Variants in TMED4 observed in about 807,000 individuals in gnomAD.
The protein encoded by TMED4 is transmembrane p24 trafficking protein 4.
In TMED4, 19 loss-of-function variants were observed where a neutral mutation model predicts 26.5. The ratio of observed to expected loss-of-function variants is 0.72; its 90% CI spans 0.50 to 1.05. TMED4 has a LOEUF of 1.05. Ranked by LOEUF, TMED4 falls within the 50% of genes least tolerant of loss-of-function variation. The probability of loss-of-function intolerance (pLI) is 0.00; values close to 1 mark genes in which losing one functional copy is unlikely to be tolerated. For missense variants in TMED4, 303 were observed against 302.5 expected (o/e 1.00, Z -0.01); for synonymous variants, 121 against 119.8 (o/e 1.01, Z -0.07).
Position 44,581,212 on chromosome 7 carries a change from C to T in TMED4, c.415G>A (p.Glu139Lys), listed in dbSNP as rs780429628. ...ATCTCAGGGTAGTTGTTGGCATGCTCCCCAACCTGGATGTCGAGATGCACC... is the reference window on the plus strand; with the variant it reads ...ATCTCAGGGTAGTTGTTGGCATGCTTCCCAACCTGGATGTCGAGATGCACC... ...LRVHLDIQVG[E>K]HANNYPEIAA... is the part of the protein sequence containing the mutation. The change falls in exon 4 of 5, where the codon GAG becomes AAG. Residue 139 changes from glutamate (E) to lysine (K), a missense_variant. Physicochemically the swap from Glu to Lys is moderately conservative, Grantham distance 56. Transcript: ENST00000457408. 1.2e-6 allele frequency: 2 copies of T among 1,614,084 alleles called. No individual in the cohort carries two copies. The highest frequency in any genetic ancestry group is 1.7e-6 in the Non-Finnish European group (2 of 1,180,026).
intron 4 of TMED4, 132 bp downstream of exon 4, chr7:44,580,961 C>CA: frequency 9.6e-7 from 1 of 1,045,758 alleles, no homozygotes; most frequent in Non-Finnish European, 1.4e-6. Flanking sequence ...AAACAACAAA[C>CA]AAACAACCTA....
Position 44,579,305 on chromosome 7 carries a change from T to C in TMED4, c.*174A>G, listed in dbSNP as rs1351304463. On this transcript the variant is annotated 3_prime_UTR_variant, in exon 5 of 5. Transcript: ENST00000457408. ...ATTTTGAAAGATTGGACTAATGTCATGTGTCCTTAAGAACCAGGGTCAGCA... is the reference window on the plus strand; with the variant it reads ...ATTTTGAAAGATTGGACTAATGTCACGTGTCCTTAAGAACCAGGGTCAGCA... 6.7e-6 allele frequency: 4 copies of C among 599,446 alleles called. No homozygotes were observed. In the South Asian group the frequency reaches 7.2e-5, roughly 11 times the overall value. 37.1% of individuals were successfully genotyped at this position (599,446 alleles called of 1,614,324 possible).
chr7:44,578,919 T>A lies in TMED4; in HGVS notation c.*560A>T, dbSNP rs1164852827. 1 of 148,922 alleles carries A rather than the reference T, an allele frequency of 6.7e-6. No individual in the cohort carries two copies. Among genetic ancestry groups the A allele is most frequent in the East Asian group, 1.9e-4 (1 of 5,144 alleles). 9.2% of individuals were successfully genotyped at this position (148,922 alleles called of 1,614,324 possible). ...AAAACCCAGAATGCAGAAACTGCAT[T>A]GGTATTTTGAGCTAGTTACAGGCAG... On this transcript the variant is annotated 3_prime_UTR_variant, in exon 5 of 5. Transcript: ENST00000457408.
intron 3 of TMED4, 86 bp from the exon 4 acceptor site, chr7:44,581,325 G>A: frequency 6.3e-7 from 1 of 1,599,188 alleles, no homozygotes; most frequent in Non-Finnish European, 8.5e-7. Flanking sequence ...CCTGGCTGTG[G>A]AGCAGAAGGC....
Position 44,582,168 on chromosome 7 carries a change from C to T in TMED4, c.39G>A (p.Gly13=), listed in dbSNP as rs760268202. The T allele has an allele frequency of 3.2e-5, 50 of 1,548,356 alleles. No homozygotes were observed. Among genetic ancestry groups the T allele is most frequent in the Non-Finnish European group, 4.1e-5 (47 of 1,146,234 alleles). ...GCGCGAGAAGCAGCAGGGCCTGCCGCCCCATCGCCCGCAGAGGCCCAGCCC... is the reference window on the plus strand; with the variant it reads ...GCGCGAGAAGCAGCAGGGCCTGCCGTCCCATCGCCCGCAGAGGCCCAGCCC... ...GVGAGPLRAM[G]RQALLLLALC... Residue 13 remains glycine, a synonymous_variant, in exon 1 of 5, where the codon GGG becomes GGA. Transcript: ENST00000457408.
rs1271128538 is a variant in TMED4, at chr7:44,581,162, C to T, written c.465G>A (p.Glu155=). ...PEIAAKDKLT[E]LQLRARQLLD... ...GCAACTGGCGGGCGCGGAGCTGTAG[C>T]TCCGTCAGCTTATCTTTTGCAGCAA... The change falls in exon 4 of 5, where the codon GAG becomes GAA. Residue 155 remains glutamate (E), a synonymous_variant. Transcript: ENST00000457408. 5 of 1,614,138 alleles carry T rather than the reference C, an allele frequency of 3.1e-6. No individual in the cohort carries two copies. The highest frequency in any genetic ancestry group is 4.2e-6 in the Non-Finnish European group (5 of 1,180,028).
chr7:44,578,288 C>T lies in TMED4; in HGVS notation c.*1191G>A, dbSNP rs1394128978. ...GGTGCCTCCCCTCTACCCACAACCT[C>T]TTATTTCATCTCAAACACAGCTATT... On this transcript the variant is annotated 3_prime_UTR_variant, in exon 5 of 5. Coordinates refer to ENST00000457408, the MANE Select transcript of TMED4 (RefSeq NM_182547.4). 3 of 152,226 alleles carry T rather than the reference C, an allele frequency of 2.0e-5. No individual in the cohort carries two copies. The highest frequency in any genetic ancestry group is 1.9e-4 in the East Asian group (1 of 5,200). The allele number at this position is 152,226 out of a possible 1,614,324, so 9.4% of individuals were successfully genotyped here. A position where few individuals can be genotyped will look rare whatever the true frequency, so the allele number is the denominator to read the frequency against.
chr7:44,581,549 G>A lies in TMED4; in HGVS notation c.287C>T (p.Ser96Leu), dbSNP rs1448969318. ...GGAGGTGAACGTGAAGCGGCCCTCC[G>A]AGCCGTACTGCCGGGACAGCACCAC... is the stretch of plus-strand genomic sequence containing the variant. ...GKVVLSRQYGSEGRFTFTSHT... is the reference protein window; with the variant it reads ...GKVVLSRQYGLEGRFTFTSHT... Residue 96 changes from serine to leucine, a missense_variant, in exon 3 of 5, where the codon TCG becomes TTG. Ser to Leu is a moderately radical substitution (Grantham distance 145). Transcript: ENST00000457408. 1.2e-6 allele frequency: 2 copies of A among 1,614,160 alleles called. No individual in the cohort carries two copies. Among genetic ancestry groups the A allele is most frequent in the South Asian group, 1.1e-5 (1 of 91,084 alleles).
chr7:44,579,865 T>G (rs1802925515), intron 4 of TMED4: 1 of 364,096 alleles, frequency 2.7e-6, no homozygotes, highest in Admixed American at 4.4e-5. Context: ...CCAACAAGAG[T>G]CCAAGAAAAA....
At chr7:44,581,870 T>C in intron 1 of TMED4, 47 bp from the exon 2 acceptor site, 1 of 1,599,804 alleles carries the variant, frequency 6.3e-7, no homozygotes, top group Non-Finnish European at 8.6e-7. Context: ...GGGCCGCCTC[T>C]CCGCCCGGCC....
intron 4 of TMED4, chr7:44,580,349 T>G (rs978702059): frequency 6.6e-6 from 1 of 152,332 alleles, no homozygotes; most frequent in African/African-American, 2.4e-5. Flanking sequence ...ATGGTGGCAC[T>G]TGCCTGTAAT....
Position 44,582,056 on chromosome 7 carries a change from T to C in TMED4, c.151A>G (p.Met51Val). 2 of 1,564,850 alleles carry C rather than the reference T, an allele frequency of 1.3e-6. No individual in the cohort carries two copies. The highest frequency in any genetic ancestry group is 1.7e-6 in the Non-Finnish European group (2 of 1,154,456). Residue 51 changes from methionine (M) to valine (V), a missense_variant, in exon 1 of 5, where the codon ATG (methionine) becomes GTG (valine). By Grantham distance (21) the Met-to-Val change is conservative (BLOSUM62 1). Coordinates refer to ENST00000457408, the MANE Select transcript of TMED4 (RefSeq NM_182547.4). ...CFIEEIPDET[M>V]VIGNYRTQMW... is the part of the protein sequence containing the mutation. ...CCTCAGCCCGCCTGACCGATGACCA[T>C]GGTCTCGTCGGGGATTTCCTCGATG...
chr7:44,581,897 C>G, intron 1 of TMED4, 74 bp from the exon 2 acceptor site: 1 of 1,589,308 alleles, frequency 6.3e-7, no homozygotes, highest in Non-Finnish European at 8.6e-7. Flanking sequence ...GACGTGCGGC[C>G]CGGAGCTCTA....
intron 4 of TMED4, chr7:44,580,560 A>C (rs1802953741): frequency 6.5e-6 from 1 of 152,920 alleles, no homozygotes; most frequent in Non-Finnish European, 1.5e-5. Context: ...TGGTAGCACA[A>C]CATTATGAAG....
At position 44,582,201 on chromosome 7, in the gene TMED4, T is replaced by C; in HGVS notation, c.6A>G (p.Ala2=). The change falls in exon 1 of 5, where the codon GCA becomes GCG. Residue 2 remains alanine, a synonymous_variant. Transcript: ENST00000457408. ...CCCGCAGAGGCCCAGCCCCGACACC[T>C]GCCATCGCGCCTCAGCCCCTAAGCG... is the stretch of plus-strand genomic sequence containing the variant. M[A]GVGAGPLRAM... 6.5e-7 allele frequency: 1 copy of C among 1,543,242 alleles called. No homozygotes were observed. The highest frequency in any genetic ancestry group is 8.7e-7 in the Non-Finnish European group (1 of 1,145,688).
Position 44,582,141 on chromosome 7 carries a change from C to A in TMED4, c.66G>T (p.Leu22=), listed in dbSNP as rs1340143550. 2 of 1,551,312 alleles carry A rather than the reference C, an allele frequency of 1.3e-6. No homozygotes were observed. The highest frequency in any genetic ancestry group is 2.4e-5 in the South Asian group (2 of 84,308). Residue 22 remains leucine (L), a synonymous_variant, in exon 1 of 5, where the codon CTG becomes CTT. Coordinates refer to ENST00000457408, the MANE Select transcript of TMED4 (RefSeq NM_182547.4). ...AGAGCCCCTGGGCGCCTGTGGCGCA[C>A]AGCGCGAGAAGCAGCAGGGCCTGCC... ...MGRQALLLLA[L]CATGAQGLYF...
Position 44,579,545 on chromosome 7 carries a change from G to T in TMED4, c.618C>A (p.Leu206=), listed in dbSNP as rs771384775. The T allele has an allele frequency of 6.2e-7, 1 of 1,614,180 alleles. No individual in the cohort carries two copies. Among genetic ancestry groups the T allele is most frequent in the Non-Finnish European group, 8.5e-7 (1 of 1,180,032 alleles). ...LWWSIAQTVI[L]ILTGIWQMRH... ...GCATCTGCCAGATGCCAGTGAGGAT[G>T]AGGATGACAGTCTGAGCAATGGACC... Residue 206 remains leucine, a synonymous_variant, in exon 5 of 5, where the codon CTC becomes CTA. Transcript: ENST00000457408.
At position 44,581,534 on chromosome 7, in the gene TMED4, G is replaced by A; in HGVS notation, c.302C>T (p.Thr101Met). 1.9e-6 allele frequency: 3 copies of A among 1,614,226 alleles called. No individual in the cohort carries two copies. The highest frequency in any genetic ancestry group is 2.5e-6 in the Non-Finnish European group (3 of 1,180,042). ...SRQYGSEGRF[T>M]FTSHTPGDHQ... Reference sequence around the variant, plus strand: ...GTCACCGGGCGTGTGGGAGGTGAACGTGAAGCGGCCCTCCGAGCCGTACTG... The same window carrying A: ...GTCACCGGGCGTGTGGGAGGTGAACATGAAGCGGCCCTCCGAGCCGTACTG... The change falls in exon 3 of 5, where the codon ACG (threonine) becomes ATG (methionine). Residue 101 changes from threonine to methionine, a missense_variant. Physicochemically the swap from Thr to Met is moderately conservative, Grantham distance 81. Transcript: ENST00000457408.
chr7:44,581,789 C>A lies in TMED4; in HGVS notation c.195G>T (p.Lys65Asn). The A allele has an allele frequency of 6.2e-7, 1 of 1,614,192 alleles. No individual in the cohort carries two copies. Among genetic ancestry groups the A allele is most frequent in the Non-Finnish European group, 8.5e-7 (1 of 1,180,028 alleles). ...CAGGGGTCGAGGGCAGGAAGACCTCCTTCTGCTTATCCCACATCTGGGTAC... is the reference window on the plus strand; with the variant it reads ...CAGGGGTCGAGGGCAGGAAGACCTCATTCTGCTTATCCCACATCTGGGTAC... ...NYRTQMWDKQ[K>N]EVFLPSTPGL... The change falls in exon 2 of 5, where the codon AAG becomes AAT. Residue 65 changes from lysine to asparagine, a missense_variant. Transcript: ENST00000457408.
Sources: gnomAD v4.1 joint callset for allele counts on GRCh38, gnomAD v4.1.1 for gene constraint, MANE v1.5 for transcripts, NCBI Gene and HGNC (gene_info 2026-07-23, HGNC 2026-07-21) for gene names.